Variants in GPR139 observed in about 807,000 individuals in gnomAD.
The protein encoded by GPR139 is G protein-coupled receptor 139, also known as probable G protein-coupled receptor 139.
In GPR139, 12 loss-of-function variants were observed where a neutral mutation model predicts 25.8. That is an observed-to-expected ratio of 0.47 (90% CI 0.30 to 0.75). GPR139 has a LOEUF of 0.75. Ranked by LOEUF, GPR139 falls within the 30% of genes least tolerant of loss-of-function variation. The pLI, the probability that GPR139 is intolerant of heterozygous loss-of-function variation, is 0.07. For synonymous variants in GPR139, 184 were observed against 179.9 expected, an observed-to-expected ratio of 1.02 and a Z score of -0.18; for missense variants, 380 against 450.2, an observed-to-expected ratio of 0.84 and a Z score of 1.41.
intron 1 of GPR139, among the ~76,000 whole-genome samples, chr16:20,041,229 AGG>A: frequency 2.0e-4 from 1 of 4,994 alleles, no homozygotes; most frequent in Admixed American, 2.1e-3. Flanking sequence ...AGGAGAGGAG[AGG>A]AGAGGAGAGG....
At chr16:20,067,052 C>T (rs570360027) in intron 1 of GPR139, among the ~76,000 whole-genome samples, 7 of 152,270 alleles carry the variant, frequency 4.6e-5, no homozygotes, top group South Asian at 2.1e-4. Flanking sequence ...GTTATACCTG[C>T]GATCACACAG....
rs771560703 is a variant in GPR139, at chr16:20,031,791, T to A, written c.1006A>T (p.Lys336Ter). The stretch of plus-strand genomic sequence containing the variant: ...TTGTCATACTGGTACACCAGCATCT[T>A]GATGCAGTGTGAGTTTGCCGGCGAG... ...WISPANSHCIKMLVYQYDKNG... is the reference protein window; with the variant it reads ...WISPANSHCI Residue 336 changes from lysine (K) to a stop codon, truncating the protein, a stop_gained, in exon 2 of 2, where the codon AAG becomes TAG. Coordinates refer to ENST00000570682, the MANE Select transcript of GPR139 (RefSeq NM_001002911.4). LOFTEE classifies it high-confidence loss of function. The A allele has an allele frequency of 6.2e-7, 1 of 1,614,216 alleles. No homozygotes were observed. The highest frequency in any genetic ancestry group is 8.5e-7 in the Non-Finnish European group (1 of 1,180,024).
At chr16:20,056,284 A>C (rs1389891676) in intron 1 of GPR139, among the ~76,000 whole-genome samples, 1 of 152,240 alleles carries the variant, frequency 6.6e-6, no homozygotes, top group African/African-American at 2.4e-5. Context: ...TCTTCACAGT[A>C]ATGTGATTTA....
At chr16:20,057,111 C>A (rs1175020174) in intron 1 of GPR139, among the ~76,000 whole-genome samples, 1 of 152,204 alleles carries the variant, frequency 6.6e-6, no homozygotes, top group Non-Finnish European at 1.5e-5. Flanking sequence ...CAGCATTTTT[C>A]TTGTCCTGTG....
intron 1 of GPR139, among the ~76,000 whole-genome samples, chr16:20,041,550 C>T (rs541651908): frequency 1.3e-5 from 2 of 151,980 alleles, no homozygotes; most frequent in African/African-American, 4.8e-5. Flanking sequence ...CACTCTGGAC[C>T]CTGGGATGGA....
chr16:20,056,039 A>G (rs1435820313), intron 1 of GPR139, among the ~76,000 whole-genome samples: 1 of 152,250 alleles, frequency 6.6e-6, no homozygotes, highest in Non-Finnish European at 1.5e-5. Context: ...AGTGTCTATC[A>G]TAAAGAAGTC....
intron 1 of GPR139, among the ~76,000 whole-genome samples, chr16:20,052,897 A>T (rs2057377391): frequency 1.3e-5 from 2 of 152,134 alleles, no homozygotes; most frequent in South Asian, 4.2e-4. Flanking sequence ...CATGTGCAGG[A>T]TGTGCAGGTT....
At chr16:20,072,226 G>C (rs745472582) in intron 1 of GPR139, among the ~76,000 whole-genome samples, 2 of 152,196 alleles carry the variant, frequency 1.3e-5, no homozygotes, top group Admixed American at 6.5e-5. Flanking sequence ...CTTGGGGAGA[G>C]AGGCTCACAC....
rs929236754 is a variant in GPR139 at position 20,030,432 on chromosome 16, G to A, written c.*1303C>T. ...CTAAATAAGACGAATATAATCATGT[G>A]TGTGTGTGTGCTGCACACATAAGTA... On this transcript the variant is annotated 3_prime_UTR_variant, in exon 2 of 2. Transcript: ENST00000570682. 1.1e-4 allele frequency among the ~76,000 whole-genome samples: 17 copies of A among 152,170 alleles called. No homozygotes were observed. The highest frequency in any genetic ancestry group is 3.9e-4 in the African/African-American group (16 of 41,454).
At chr16:20,065,885 A>G (rs2057432321) in intron 1 of GPR139, among the ~76,000 whole-genome samples, 1 of 152,166 alleles carries the variant, frequency 6.6e-6, no homozygotes, top group African/African-American at 2.4e-5. Context: ...CTCAAAAAAA[A>G]AAAAAAAAAA....
In GPR139 at chr16:20,032,366, C is replaced by T. The variant is rs778511361; in HGVS notation, c.431G>A (p.Arg144His). 5 of 1,614,122 alleles carry T rather than the reference C, an allele frequency of 3.1e-6. No individual in the cohort carries two copies. Among genetic ancestry groups the T allele is most frequent in the Non-Finnish European group, 4.2e-6 (5 of 1,180,006 alleles). Residue 144 changes from arginine to histidine, a missense_variant, in exon 2 of 2, where the codon CGC (arginine) becomes CAC (histidine). Physicochemically the swap from Arg to His is conservative, Grantham distance 29 (BLOSUM62 0). Coordinates refer to ENST00000570682, the MANE Select transcript of GPR139 (RefSeq NM_001002911.4). Reference sequence around the variant, plus strand: ...AACACTTACAATGACTTTCCGGGTGCGGGCTGGGTATGAGACCGTGTGGTA... The same window carrying T: ...AACACTTACAATGACTTTCCGGGTGTGGGCTGGGTATGAGACCGTGTGGTA... ...LKYHTVSYPA[R>H]TRKVIVSVYI... is the part of the protein sequence containing the mutation.
chr16:20,069,053 G>A (rs540479492), intron 1 of GPR139, among the ~76,000 whole-genome samples: 1 of 152,202 alleles, frequency 6.6e-6, no homozygotes, highest in Non-Finnish European at 1.5e-5. Flanking sequence ...TTGTGTCTAT[G>A]TTCATGAGGA....
At position 20,031,754 on chromosome 16, in the gene GPR139, G is replaced by C. The variant is rs771259684; in HGVS notation, c.1043C>G (p.Pro348Arg). The part of the protein sequence containing the change: ...LVYQYDKNGK[P>R]IKVSP Reference sequence around the variant, plus strand: ...ATGGAATCACGGGGATACTTTTATAGGTTTTCCATTTTTGTCATACTGGTA... The same window carrying C: ...ATGGAATCACGGGGATACTTTTATACGTTTTCCATTTTTGTCATACTGGTA... The change falls in exon 2 of 2, where the codon CCT becomes CGT. Residue 348 changes from proline to arginine, a missense_variant. Physicochemically the swap from Pro to Arg is moderately radical, Grantham distance 103 (BLOSUM62 -2). Coordinates refer to ENST00000570682, the MANE Select transcript of GPR139 (RefSeq NM_001002911.4). The C allele has an allele frequency of 5.0e-6, 8 of 1,613,856 alleles. No homozygotes were observed. The African/African-American group carries it at 9.3e-5, about 19-fold the overall frequency.
At chr16:20,038,092 C>G (rs1416458207) in intron 1 of GPR139, among the ~76,000 whole-genome samples, 6 of 151,836 alleles carry the variant, frequency 4.0e-5, no homozygotes, top group Non-Finnish European at 2.9e-5. Flanking sequence ...AAACTCCTGA[C>G]CTCAAGTGAT....
chr16:20,032,551 A>G lies in GPR139; in HGVS notation c.246T>C (p.Phe82=), dbSNP rs2057294614. The change falls in exon 2 of 2, where the codon TTT becomes TTC. Residue 82 remains phenylalanine, a synonymous_variant. Coordinates refer to ENST00000570682, the MANE Select transcript of GPR139 (RefSeq NM_001002911.4). The part of the protein sequence containing the change: ...ADILVLFFIV[F]VDFLLEDFIL... ...TGAAATCTTCCAACAGGAAGTCCACAAACACTATGAAAAAGAGGACCAAGA... is the reference window on the plus strand; with the variant it reads ...TGAAATCTTCCAACAGGAAGTCCACGAACACTATGAAAAAGAGGACCAAGA... 2 of 1,614,088 alleles carry G rather than the reference A, an allele frequency of 1.2e-6. No individual in the cohort carries two copies. Among genetic ancestry groups the G allele is most frequent in the Admixed American group, 1.7e-5 (1 of 60,014 alleles).
intron 1 of GPR139, among the ~76,000 whole-genome samples, chr16:20,051,145 G>A (rs1255177179): frequency 6.6e-6 from 1 of 152,092 alleles, no homozygotes; most frequent in Non-Finnish European, 1.5e-5. Context: ...AGACATCCCT[G>A]AAGGGACACA....
chr16:20,033,306 TG>T (rs1234132604), intron 1 of GPR139, among the ~76,000 whole-genome samples: 1 of 151,862 alleles, frequency 6.6e-6, no homozygotes, highest in African/African-American at 2.4e-5. Flanking sequence ...GGAATGAAGC[TG>T]GGGCTCTGAG....
chr16:20,044,929 A>G (rs949915567), intron 1 of GPR139, among the ~76,000 whole-genome samples: 15 of 152,034 alleles, frequency 9.9e-5, no homozygotes, highest in African/African-American at 3.4e-4. Flanking sequence ...ACATTTAACA[A>G]TAACAGTTCC....
chr16:20,054,182 C>T (rs1371038169), intron 1 of GPR139, among the ~76,000 whole-genome samples: 1 of 152,154 alleles, frequency 6.6e-6, no homozygotes, highest in Non-Finnish European at 1.5e-5. Flanking sequence ...TCATTTTATA[C>T]TTGAGTCACT....
Sources: gnomAD v4.1 joint callset for allele counts (sites outside exome capture counted in the v4.1 genomes callset) on GRCh38, gnomAD v4.1.1 for gene constraint, MANE v1.5 for transcripts, NCBI Gene and HGNC (gene_info 2026-07-23, HGNC 2026-07-21) for gene names.